The following KRT10 variants were observed in gnomAD, a reference collection of about 807,000 sequenced individuals.
KRT10 encodes keratin, type I cytoskeletal 10.
A neutral mutation model predicts 59.2 loss-of-function variants in KRT10; 40 were observed. The observed-to-expected ratio is 0.68, with a 90% CI of 0.52 to 0.88. The LOEUF is 0.88. Ranked by LOEUF, KRT10 falls within the 40% of genes least tolerant of loss-of-function variation. KRT10 has a pLI of 0.00. For synonymous variants in KRT10, 336 were observed against 310.7 expected (o/e 1.08, Z -0.86); for missense variants, 719 against 749.1 (o/e 0.96, Z 0.47).
chr17:40,818,790 G>T lies in KRT10; in HGVS notation c.1745C>A (p.Pro582Gln). ...GSVGESSSKG[P>Q]RY ...ACCCCAGCTAGTTTCTGCTGACCTT[G>T]GTCCCTTAGATGAAGACTCGCCCAC... The change falls in exon 7 of 8, where the codon CCA becomes CAA. Residue 582 changes from proline to glutamine, a missense_variant. By Grantham distance (76) the Pro-to-Gln change is moderately conservative (BLOSUM62 -1). Transcript: ENST00000269576. The T allele has an allele frequency of 1.3e-6, 2 of 1,588,392 alleles. No homozygotes were observed. The highest frequency in any genetic ancestry group is 1.7e-6 in the Non-Finnish European group (2 of 1,176,430).
chr17:40,821,230 A>AT, intron 1 of KRT10, 113 bp from the exon 2 acceptor site: 1 of 765,212 alleles, frequency 1.3e-6, no homozygotes, highest in Non-Finnish European at 2.3e-6. Flanking sequence ...TCTTGGGAAA[A>AT]TTTTTTATTT....
intron 1 of KRT10, among the ~76,000 whole-genome samples, chr17:40,821,650 T>A (rs546629135): frequency 6.6e-6 from 1 of 152,314 alleles, no homozygotes; most frequent in Non-Finnish European, 1.5e-5. Context: ...TCATGATTTT[T>A]TTTTTCAGTT....
rs766349835 is a variant in KRT10 at position 40,822,532 on chromosome 17, T to G, written c.54A>C (p.Gly18=). The G allele has an allele frequency of 6.8e-6, 11 of 1,608,702 alleles. No individual in the cohort carries two copies. The highest frequency in any genetic ancestry group is 6.8e-6 in the Non-Finnish European group (8 of 1,179,870). The change falls in exon 1 of 8, where the codon GGA becomes GGC. Residue 18 remains glycine, a synonymous_variant. Coordinates refer to ENST00000269576, the MANE Select transcript of KRT10 (RefSeq NM_000421.5). ...CTCCACATCCTCCTCCTCCTCCTCCTCCTCCACTGCGGGAGGAAGAGTAGT... is the reference window on the plus strand; with the variant it reads ...CTCCACATCCTCCTCCTCCTCCTCCGCCTCCACTGCGGGAGGAAGAGTAGT... The part of the protein sequence containing the change: ...SKHYSSSRSG[G]GGGGGGCGGG...
At chr17:40,820,979 T>TA (rs1905348146) in intron 2 of KRT10, 56 bp downstream of exon 2, 1 of 1,371,702 alleles carries the variant, frequency 7.3e-7, no homozygotes, top group Non-Finnish European at 1.0e-6. Context: ...AAGTCATTGT[T>TA]AAAAACCACT....
At chr17:40,818,596 A>G (rs1220249401) in intron 7 of KRT10, 114 bp from the exon 8 acceptor site, 1 of 1,264,084 alleles carries the variant, frequency 7.9e-7, no homozygotes, top group Non-Finnish European at 1.1e-6. Context: ...AGCCCAAAAA[A>G]ATGCTTAAGG....
At position 40,819,141 on chromosome 17, in the gene KRT10, C is replaced by A. The variant is rs763011311; in HGVS notation, c.1394G>T (p.Gly465Val). Residue 465 changes from glycine (G) to valine (V), a missense_variant, in exon 7 of 8, where the codon GGC becomes GTC. Transcript: ENST00000269576. ...GEGSSGGGGR[G>V]GGSFGGGYGG... The stretch of plus-strand genomic sequence containing the variant: ...GTAGCCGCCGCCGAAACTTCCGCCG[C>A]CGCGTCCGCCGCCTCCGGAACTAAA... The A allele has an allele frequency of 1.3e-6, 2 of 1,539,438 alleles. No homozygotes were observed.
At position 40,821,998 on chromosome 17, in the gene KRT10, G is replaced by A. The variant is rs1905417460; in HGVS notation, c.588C>T (p.Tyr196=). Residue 196 remains tyrosine (Y), a synonymous_variant, in exon 1 of 8, where the codon TAC becomes TAT. Transcript: ENST00000269576. Reference sequence around the variant, plus strand: ...CATCGATGGTTTTGTAGTATTTGCTGTAGTCACGAGGCTCCCCCTGATGTG... The same window carrying A: ...CATCGATGGTTTTGTAGTATTTGCTATAGTCACGAGGCTCCCCCTGATGTG... ...GNSHQGEPRD[Y]SKYYKTIDDL... is the part of the protein sequence containing the mutation. The A allele has an allele frequency of 2.5e-6, 4 of 1,614,118 alleles. No homozygotes were observed. Among genetic ancestry groups the A allele is most frequent in the Middle Eastern group, 1.6e-4 (1 of 6,062 alleles).
At position 40,818,247 on chromosome 17, in the gene KRT10, T is replaced by TAG; in HGVS notation, c.*227_*228dup. 3.6e-6 allele frequency: 2 copies of TAG among 549,084 alleles called. No homozygotes were observed. Among genetic ancestry groups the TAG allele is most frequent in the Non-Finnish European group, 6.4e-6 (2 of 310,674 alleles). The allele number at this position is 549,084 out of a possible 1,614,324, so 34.0% of individuals were successfully genotyped here. A position where few individuals can be genotyped will look rare whatever the true frequency, so the allele number is the denominator to read the frequency against. ...AATACAGAAACCACAAAACACCTTG[T>TAG]AGACACCTTATTTTCAAGGTCTATT... On this transcript the variant is annotated 3_prime_UTR_variant, in exon 8 of 8. Coordinates refer to ENST00000269576, the MANE Select transcript of KRT10 (RefSeq NM_000421.5).
intron 1 of KRT10, among the ~76,000 whole-genome samples, chr17:40,821,469 T>C (rs530741645): frequency 6.6e-6 from 1 of 152,274 alleles, no homozygotes; most frequent in East Asian, 1.9e-4. Flanking sequence ...TAACTCATGA[T>C]AAATACTAAT....
chr17:40,822,543 G>A lies in KRT10; in HGVS notation c.43C>T (p.Arg15Cys), dbSNP rs1460257467. The part of the protein sequence containing the change: ...YSSSKHYSSS[R>C]SGGGGGGGGC... ...CCTCCTCCTCCTCCTCCTCCACTGC[G>A]GGAGGAAGAGTAGTGCTTGCTTGAG... The change falls in exon 1 of 8, where the codon CGC becomes TGC. Residue 15 changes from arginine (R) to cysteine (C), a missense_variant. Around this residue, in one of 4 missense-constraint regions of KRT10, gnomAD observed 176 missense variants for 175.7 expected, o/e 1.00. Transcript: ENST00000269576. The A allele has an allele frequency of 3.7e-6, 6 of 1,606,938 alleles. No individual in the cohort carries two copies. Among genetic ancestry groups the A allele is most frequent in the South Asian group, 2.2e-5 (2 of 91,080 alleles).
chr17:40,820,110 A>G lies in KRT10; in HGVS notation c.1094T>C (p.Ile365Thr), dbSNP rs1409110274. The G allele has an allele frequency of 1.2e-6, 2 of 1,613,700 alleles. No homozygotes were observed. The highest frequency in any genetic ancestry group is 8.5e-7 in the Non-Finnish European group (1 of 1,179,850). ...IEQISSYKSE[I>T]TELRRNVQAL... ...TTGTACATTACGTCTCAATTCAGTAATCTCAGATTTATAGCTGGATATCTG... is the reference window on the plus strand; with the variant it reads ...TTGTACATTACGTCTCAATTCAGTAGTCTCAGATTTATAGCTGGATATCTG... Residue 365 changes from isoleucine (I) to threonine (T), a missense_variant, in exon 5 of 8, where the codon ATT (isoleucine) becomes ACT (threonine). By Grantham distance (89) the Ile-to-Thr change is moderately conservative (BLOSUM62 -1). Coordinates refer to ENST00000269576, the MANE Select transcript of KRT10 (RefSeq NM_000421.5).
chr17:40,818,532 G>T, intron 7 of KRT10, 50 bp from the exon 8 acceptor site: 1 of 1,310,418 alleles, frequency 7.6e-7, no homozygotes, highest in Non-Finnish European at 1.1e-6. Flanking sequence ...GGGATCCTTA[G>T]TAATTAACAA....
Position 40,819,522 on chromosome 17 carries a change from C to G in KRT10, c.1368G>C (p.Glu456Asp), listed in dbSNP as rs373723131. Residue 456 changes from glutamate to aspartate, a missense_variant, in exon 6 of 8, where the codon GAG (glutamate) becomes GAC (aspartate). Transcript: ENST00000269576. ...IQTYRSLLEGEGSSGGGGRGG... is the reference protein window; with the variant it reads ...IQTYRSLLEGDGSSGGGGRGG... ...CTTTTCATTTTAAAATTTACCTTCC[C>G]TCTCCTTCTAGCAGGCTGCGGTAGG... The G allele has an allele frequency of 3.7e-6, 6 of 1,613,276 alleles. No homozygotes were observed. Among genetic ancestry groups the G allele is most frequent in the Non-Finnish European group, 5.1e-6 (6 of 1,179,198 alleles).
At chr17:40,820,464 C>A (rs1799915) in intron 3 of KRT10, 41 bp from the exon 4 acceptor site, 1 of 1,614,032 alleles carries the variant, frequency 6.2e-7, no homozygotes, top group African/African-American at 1.3e-5. Flanking sequence ...ACACGAGGAC[C>A]ATAATGAACT....
chr17:40,819,044 G>T lies in KRT10; in HGVS notation c.1491C>A (p.Gly497=), dbSNP rs755466898. The T allele has an allele frequency of 2.2e-6, 3 of 1,343,840 alleles. No homozygotes were observed. Among genetic ancestry groups the T allele is most frequent in the Non-Finnish European group, 2.9e-6 (3 of 1,027,792 alleles). 83.2% of individuals were successfully genotyped at this position (1,343,840 alleles called of 1,614,324 possible). The change falls in exon 7 of 8, where the codon GGC becomes GGA. Residue 497 remains glycine, a synonymous_variant. Transcript: ENST00000269576. The part of the protein sequence containing the change: ...HGGGHGGSSG[G]GYGGGSSGGG... ...CGCCGGAGCTTCCGCCTCCGTAGCC[G>T]CCGCCGGAACTGCCGCCGTGGCCGC...
At chr17:40,820,699 A>G (rs778429686) in intron 2 of KRT10, 32 bp from the exon 3 acceptor site, 2 of 1,612,304 alleles carry the variant, frequency 1.2e-6, no homozygotes, top group South Asian at 2.2e-5. Flanking sequence ...TACTGGTTAT[A>G]ACTTATATAG....
Position 40,818,415 on chromosome 17 carries a change from T to C in KRT10, c.*61A>G. Reference sequence around the variant, plus strand: ...TCTTGGTTTCTGATTCAACCATAGATGAAAGAACTCTACCGTCGGGCGCCA... The same window carrying C: ...TCTTGGTTTCTGATTCAACCATAGACGAAAGAACTCTACCGTCGGGCGCCA... On this transcript the variant is annotated 3_prime_UTR_variant, in exon 8 of 8. Transcript: ENST00000269576. 11 of 1,611,872 alleles carry C rather than the reference T, an allele frequency of 6.8e-6. No homozygotes were observed. In the South Asian group the frequency reaches 8.8e-5, roughly 13 times the overall value.
At chr17:40,820,233 G>T in intron 4 of KRT10, 29 bp downstream of exon 4, 13 of 1,614,154 alleles carry the variant, frequency 8.1e-6, no homozygotes, top group Non-Finnish European at 1.1e-5. Flanking sequence ...AAACCTCCAT[G>T]AGTTTCACTA....
rs771610197 is a variant in KRT10, at chr17:40,820,361, C to G, written c.930G>C (p.Pro310=). The change falls in exon 4 of 8, where the codon CCG becomes CCC. Residue 310 remains proline (P), a synonymous_variant. Coordinates refer to ENST00000269576, the MANE Select transcript of KRT10 (RefSeq NM_000421.5). The stretch of plus-strand genomic sequence containing the variant: ...TCAGAAGTTGAGTCAGATCAACACC[C>G]GGGGCAGCATTCATTTCCACATTCA... ...GDVNVEMNAA[P]GVDLTQLLNN... 2 of 1,614,072 alleles carry G rather than the reference C, an allele frequency of 1.2e-6. No individual in the cohort carries two copies. The highest frequency in any genetic ancestry group is 1.7e-5 in the Admixed American group (1 of 60,006).
Sources: gnomAD v4.1 joint callset for allele counts (sites outside exome capture counted in the v4.1 genomes callset) on GRCh38, gnomAD v4.1.1 for gene constraint, gnomAD v4.1.1 regional missense constraint, MANE v1.5 for transcripts, NCBI Gene and HGNC (gene_info 2026-07-23, HGNC 2026-07-21) for gene names.